The following HECW2 variants were observed in gnomAD, a reference collection of about 807,000 sequenced individuals.
HECW2 encodes HECT, C2 and WW domain containing E3 ubiquitin protein ligase 2, also known as E3 ubiquitin-protein ligase HECW2.
HECW2 carries 61 observed loss-of-function variants against 175.2 expected under a neutral mutation model. That is an observed-to-expected ratio of 0.35 (90% CI 0.28 to 0.43). HECW2 has a LOEUF of 0.43. HECW2 is among the 20% of genes least tolerant of loss of function. The pLI, the probability that HECW2 is intolerant of heterozygous loss-of-function variation, is 1.00. For missense variants in HECW2, 1,524 were observed against 2,000.5 expected (o/e 0.76, Z 4.54); for synonymous variants, 671 against 731.0 (o/e 0.92, Z 1.32).
chr2:196,209,643 C>A (rs1373182717), intron 28 of HECW2, among the ~76,000 whole-genome samples: 1 of 152,176 alleles, frequency 6.6e-6, no homozygotes, highest in Non-Finnish European at 1.5e-5. Context: ...AGCTCATCAG[C>A]AGGCGGTAGG....
rs1687926806 is a variant in HECW2 at position 196,228,311 on chromosome 2, A to T, written c.3765-57T>A. 1.1e-5 allele frequency: 17 copies of T among 1,521,366 alleles called. No individual in the cohort carries two copies. In the Admixed American group the frequency reaches 1.2e-4, roughly 11 times the overall value. 94.2% of individuals were successfully genotyped at this position (1,521,366 alleles called of 1,614,324 possible). On this transcript the variant is annotated intron_variant, in intron 21 of 28. Transcript: ENST00000644978. Reference sequence around the variant, plus strand: ...GTTACTTTTTTTCTAGATATTGGGCAGTTTTTCTCCAGAGCTCAAGTTTCC... The same window carrying T: ...GTTACTTTTTTTCTAGATATTGGGCTGTTTTTCTCCAGAGCTCAAGTTTCC...
chr2:196,305,610 G>A (rs893188219), intron 13 of HECW2, among the ~76,000 whole-genome samples: 6 of 151,680 alleles, frequency 4.0e-5, no homozygotes, highest in African/African-American at 7.3e-5. Flanking sequence ...TCCCTCATTC[G>A]AATTTTCCTA....
chr2:196,427,864 T>G (rs1204934883), intron 2 of HECW2, among the ~76,000 whole-genome samples: 1 of 152,234 alleles, frequency 6.6e-6, no homozygotes, highest in Non-Finnish European at 1.5e-5. Context: ...ACCCAAAGTC[T>G]TCTCAAATAA....
chr2:196,534,756 C>T (rs983303485), intron 1 of HECW2, among the ~76,000 whole-genome samples: 1 of 152,204 alleles, frequency 6.6e-6, no homozygotes, highest in African/African-American at 2.4e-5. Flanking sequence ...CATTGTCAGT[C>T]TCTACTGTGA....
At chr2:196,463,819 T>A (rs1696839898) in intron 1 of HECW2, among the ~76,000 whole-genome samples, 1 of 152,124 alleles carries the variant, frequency 6.6e-6, no homozygotes, top group Non-Finnish European at 1.5e-5. Flanking sequence ...TCCCTGAAAA[T>A]CCACAGGGGC....
intron 9 of HECW2, among the ~76,000 whole-genome samples, chr2:196,317,696 A>T (rs548497209): frequency 3.3e-4 from 31 of 95,080 alleles, no homozygotes; most frequent in South Asian, 1.1e-3. Context: ...AACAAAATTT[A>T]AAAAAAAAAA....
intron 1 of HECW2, among the ~76,000 whole-genome samples, chr2:196,552,001 T>A (rs1689615483): frequency 6.6e-6 from 1 of 152,172 alleles, no homozygotes; most frequent in Non-Finnish European, 1.5e-5. Context: ...CTGAATCACT[T>A]CTCACCCTTC....
intron 19 of HECW2, among the ~76,000 whole-genome samples, chr2:196,252,348 C>G (rs1688890922): frequency 6.6e-6 from 1 of 152,012 alleles, no homozygotes; most frequent in African/African-American, 2.4e-5. Context: ...TTAGCTTATG[C>G]TACCTGATAT....
rs144076284 is a variant in HECW2 at position 196,324,097 on chromosome 2, A to G, written c.741+883T>C. On this transcript the variant is annotated intron_variant, in intron 6 of 28. Coordinates refer to ENST00000644978, the MANE Select transcript of HECW2 (RefSeq NM_001348768.2). ...TGCAATCGGTTTTAGATCCCCTGAT[A>G]TACCTCTCTCCAATTAAATATTTCT... 7.6e-4 allele frequency among the ~76,000 whole-genome samples: 116 copies of G among 152,038 alleles called. 1 individual carries two copies. The highest frequency in any genetic ancestry group is 2.6e-3 in the African/African-American group (107 of 41,530).
intron 2 of HECW2, among the ~76,000 whole-genome samples, chr2:196,399,392 C>T (rs959943967): frequency 6.6e-6 from 1 of 152,242 alleles, no homozygotes; most frequent in Non-Finnish European, 1.5e-5. Flanking sequence ...CTGGGCTAAA[C>T]TGCCAGAGGC....
chr2:196,301,898 T>A (rs998172599), intron 13 of HECW2, among the ~76,000 whole-genome samples: 1 of 152,170 alleles, frequency 6.6e-6, no homozygotes, highest in African/African-American at 2.4e-5. Flanking sequence ...TTAGATCCCA[T>A]GTGTCAGTTT....
At chr2:196,353,854 C>A (rs1441544327) in intron 2 of HECW2, among the ~76,000 whole-genome samples, 1 of 152,224 alleles carries the variant, frequency 6.6e-6, no homozygotes, top group Admixed American at 6.5e-5. Context: ...CTGGCAGAGA[C>A]AACCTGACTT....
intron 1 of HECW2, among the ~76,000 whole-genome samples, chr2:196,510,848 C>G (rs1687923896): frequency 6.6e-6 from 1 of 152,098 alleles, no homozygotes; most frequent in African/African-American, 2.4e-5. Flanking sequence ...AGGATTATAA[C>G]CACAAGCAAT....
intron 2 of HECW2, among the ~76,000 whole-genome samples, chr2:196,416,948 T>TA (rs1463573804): frequency 6.6e-6 from 1 of 152,180 alleles, no homozygotes; most frequent in Admixed American, 6.5e-5. Context: ...TTGGCTATAC[T>TA]AAAAAATCAC....
chr2:196,267,944 G>A (rs750485939), intron 17 of HECW2, among the ~76,000 whole-genome samples: 4 of 152,176 alleles, frequency 2.6e-5, no homozygotes, highest in Non-Finnish European at 5.9e-5. Context: ...CTTGCTCCAG[G>A]TATGAATATA....
chr2:196,321,239 G>A (rs1575412035), intron 7 of HECW2, among the ~76,000 whole-genome samples: 1 of 152,288 alleles, frequency 6.6e-6, no homozygotes, highest in East Asian at 1.9e-4. Flanking sequence ...TGCCTTGCCT[G>A]GGCCCCGGGC....
At chr2:196,268,218 C>A (rs1689590065) in intron 17 of HECW2, among the ~76,000 whole-genome samples, 1 of 152,204 alleles carries the variant, frequency 6.6e-6, no homozygotes, top group South Asian at 2.1e-4. Context: ...GACACACACT[C>A]TGGATAGGAG....
intron 2 of HECW2, among the ~76,000 whole-genome samples, chr2:196,367,897 GTACATAGATACATATATATATGAGA>G (rs1693791565): frequency 3.6e-5 from 5 of 138,710 alleles, no homozygotes; most frequent in Admixed American, 2.8e-4. Flanking sequence ...TGTGTGTATG[GTACATAGATACATATATATATGAGA>G]TACATAGATA....
At chr2:196,404,504 G>C (rs1265244391) in intron 2 of HECW2, among the ~76,000 whole-genome samples, 1 of 152,196 alleles carries the variant, frequency 6.6e-6, no homozygotes, top group East Asian at 1.9e-4. Context: ...TTCAGAATTA[G>C]TGTCACTTTT....
Sources: gnomAD v4.1 joint callset for allele counts (sites outside exome capture counted in the v4.1 genomes callset) on GRCh38, gnomAD v4.1.1 for gene constraint, MANE v1.5 for transcripts, NCBI Gene and HGNC (gene_info 2026-07-23, HGNC 2026-07-21) for gene names.